AMMECR1L: variants seen among roughly 807,000 people sequenced by gnomAD.
AMMECR1L encodes AMMECR1 like.
AMMECR1L carries 4 observed loss-of-function variants against 36.8 expected under a neutral mutation model. That is an observed-to-expected ratio of 0.11 (90% confidence interval 0.05 to 0.25). AMMECR1L has a LOEUF of 0.25. Among genes scored for constraint, AMMECR1L ranks in the 10% least tolerant of loss-of-function variants. AMMECR1L has a pLI of 1.00. For synonymous variants in AMMECR1L, 147 were observed against 148.0 expected (o/e 0.99, Z 0.05); for missense variants, 232 against 392.1 (o/e 0.59, Z 3.45).
At position 127,862,141 on chromosome 2, in the gene AMMECR1L, T is replaced by C. The variant is rs1222453998; in HGVS notation, c.*2953A>G. 2 of 153,626 alleles carry C rather than the reference T, an allele frequency of 1.3e-5. No homozygotes were observed. Among genetic ancestry groups the C allele is most frequent in the African/African-American group, 4.8e-5 (2 of 41,414 alleles). 9.5% of individuals were successfully genotyped at this position (153,626 alleles called of 1,614,324 possible). A position where few individuals can be genotyped will look rare whatever the true frequency, so the allele number is the denominator to read the frequency against. On this transcript the variant is annotated 3_prime_UTR_variant, in exon 8 of 8. Coordinates refer to ENST00000272647, the MANE Select transcript of AMMECR1L (RefSeq NM_001199140.2). ...AATGTAAAACAAGGACAATTCATAATTACAGAGAGAATGTCCTAGCTGTGG... is the reference window on the plus strand; with the variant it reads ...AATGTAAAACAAGGACAATTCATAACTACAGAGAGAATGTCCTAGCTGTGG...
rs756538155 is a variant in AMMECR1L at position 127,864,999 on chromosome 2, A to C, written c.*95T>G. The stretch of plus-strand genomic sequence containing the variant: ...TAGCATCATAAAATGGTGCAGTAAT[A>C]GAAGTAACTGGACCAGGAAGAGGAG... On this transcript the variant is annotated 3_prime_UTR_variant, in exon 8 of 8. Coordinates refer to ENST00000272647, the MANE Select transcript of AMMECR1L (RefSeq NM_001199140.2). 2.5e-5 allele frequency: 20 copies of C among 813,926 alleles called. No individual in the cohort carries two copies. The highest frequency in any genetic ancestry group is 3.8e-5 in the Non-Finnish European group (19 of 498,378). The allele number at this position is 813,926 out of a possible 1,614,324, so 50.4% of individuals were successfully genotyped here. A position where few individuals can be genotyped will look rare whatever the true frequency, so the allele number is the denominator to read the frequency against.
Position 127,865,131 on chromosome 2 carries a change from G to C in AMMECR1L, c.896C>G (p.Thr299Ser). 3.7e-6 allele frequency: 6 copies of C among 1,613,986 alleles called. No individual in the cohort carries two copies. The highest frequency in any genetic ancestry group is 5.1e-6 in the Non-Finnish European group (6 of 1,179,928). ...ATTGTAGAGGGGCGGGGCATGAAGA[G>C]TGCCGTTCTGGAAACAGTGCTGTCG... is the stretch of plus-strand genomic sequence containing the variant. Reference protein sequence around the residue: ...ASRQHCFQNGTLHAPPLYNHY... With the variant: ...ASRQHCFQNGSLHAPPLYNHY... Residue 299 changes from threonine (T) to serine (S), a missense_variant, in exon 8 of 8, where the codon ACT becomes AGT. Physicochemically the swap from Thr to Ser is moderately conservative, Grantham distance 58. This residue lies in a region of AMMECR1L where 40 missense variants were observed against 34.5 expected (regional missense o/e 1.16). Coordinates refer to ENST00000272647, the MANE Select transcript of AMMECR1L (RefSeq NM_001199140.2). The surrounding 1 kb of genome is among the most constrained non-coding windows in gnomAD (Gnocchi z 5.4).
intron 2 of AMMECR1L, among the ~76,000 whole-genome samples, chr2:127,878,126 T>C (rs1369038202): frequency 6.6e-6 from 1 of 152,172 alleles, no homozygotes; most frequent in Non-Finnish European, 1.5e-5. Flanking sequence ...TAACAGCTTA[T>C]AGAATCTTGC....
intron 2 of AMMECR1L, among the ~76,000 whole-genome samples, chr2:127,883,331 G>A (rs947056703): frequency 4.6e-5 from 7 of 152,036 alleles, no homozygotes; most frequent in Admixed American, 2.6e-4. Flanking sequence ...TCTTGACCTC[G>A]TTATCCACCT....
intron 2 of AMMECR1L, among the ~76,000 whole-genome samples, chr2:127,876,023 C>T (rs1691222663): frequency 6.6e-6 from 1 of 151,964 alleles, no homozygotes; most frequent in Non-Finnish European, 1.5e-5. Flanking sequence ...AAATTCCTGG[C>T]CACAAGGGAG....
intron 2 of AMMECR1L, among the ~76,000 whole-genome samples, chr2:127,875,852 G>A (rs1691215028): frequency 6.6e-6 from 1 of 152,010 alleles, no homozygotes; most frequent in South Asian, 2.1e-4. Flanking sequence ...GGAGTGCAGT[G>A]GCACAATCAT....
intron 2 of AMMECR1L, among the ~76,000 whole-genome samples, chr2:127,883,702 T>C (rs1480940985): frequency 6.6e-6 from 1 of 152,326 alleles, no homozygotes; most frequent in South Asian, 2.1e-4. Context: ...AAGTTTACAG[T>C]GAAAAATTTT....
chr2:127,867,226 C>T, intron 6 of AMMECR1L: 1 of 985,472 alleles, frequency 1.0e-6, no homozygotes, highest in South Asian at 4.7e-5. Context: ...ATGGCTGTCC[C>T]CAGGCTCCCT....
intron 2 of AMMECR1L, among the ~76,000 whole-genome samples, chr2:127,883,893 T>C (rs147799444): frequency 6.6e-6 from 1 of 152,304 alleles, no homozygotes; most frequent in African/African-American, 2.4e-5. Context: ...GACAACCTCT[T>C]TGGTTGTATT....
chr2:127,885,101 A>C, intron 1 of AMMECR1L: 2 of 967,176 alleles, frequency 2.1e-6, no homozygotes, highest in Non-Finnish European at 2.5e-6. Flanking sequence ...AAAGAGAGGC[A>C]TGAAACCCAG....
intron 1 of AMMECR1L, chr2:127,885,460 C>G (rs1434471971): frequency 3.8e-5 from 37 of 980,652 alleles, no homozygotes; most frequent in Non-Finnish European, 4.0e-5. Context: ...CAGGCGGCGC[C>G]GGAGACCACC....
chr2:127,866,776 T>C (rs1487482951), intron 7 of AMMECR1L, 124 bp downstream of exon 7: 3 of 947,420 alleles, frequency 3.2e-6, no homozygotes, highest in East Asian at 5.2e-5. Flanking sequence ...AAATGTGAAC[T>C]TCACCCACAC....
chr2:127,867,906 C>T (rs1170397037), intron 6 of AMMECR1L, among the ~76,000 whole-genome samples: 1 of 152,188 alleles, frequency 6.6e-6, no homozygotes, highest in Non-Finnish European at 1.5e-5. Context: ...GGTTCTCACT[C>T]CTGTCACCCA....
intron 3 of AMMECR1L, chr2:127,872,900 G>T: frequency 2.5e-6 from 2 of 804,642 alleles, no homozygotes; most frequent in Non-Finnish European, 3.0e-6. Context: ...AAAAAACCGA[G>T]CACACTTCCC....
chr2:127,868,692 T>A (rs1690815989), intron 6 of AMMECR1L, among the ~76,000 whole-genome samples: 1 of 152,078 alleles, frequency 6.6e-6, no homozygotes. Context: ...CCACCCTACC[T>A]TTAACGTCCC....
At chr2:127,881,625 C>T (rs191487102) in intron 2 of AMMECR1L, among the ~76,000 whole-genome samples, 1 of 152,250 alleles carries the variant, frequency 6.6e-6, no homozygotes, top group East Asian at 1.9e-4. Context: ...GTGAAAGACA[C>T]GAAAAGCACC....
intron 2 of AMMECR1L, among the ~76,000 whole-genome samples, chr2:127,881,840 T>C (rs1477981608): frequency 6.6e-6 from 1 of 152,224 alleles, no homozygotes; most frequent in Non-Finnish European, 1.5e-5. Flanking sequence ...CATGGGATTA[T>C]TACTCTCATG....
intron 2 of AMMECR1L, among the ~76,000 whole-genome samples, chr2:127,877,823 G>A (rs1387322917): frequency 6.6e-6 from 1 of 152,172 alleles, no homozygotes; most frequent in African/African-American, 2.4e-5. Flanking sequence ...TTGGGAGGTC[G>A]ATCGAGGTGG....
chr2:127,876,258 G>A (rs1035529209), intron 2 of AMMECR1L, among the ~76,000 whole-genome samples: 15 of 151,566 alleles, frequency 9.9e-5, no homozygotes, highest in African/African-American at 1.9e-4. Context: ...GCTAAGGAGC[G>A]AGGATTGCCT....
Sources: gnomAD v4.1 joint callset for allele counts (sites outside exome capture counted in the v4.1 genomes callset) on GRCh38, gnomAD v4.1.1 for gene constraint, gnomAD v4.1.1 regional missense constraint, Gnocchi (gnomAD v3.1) non-coding constraint, MANE v1.5 for transcripts, NCBI Gene and HGNC (gene_info 2026-07-23, HGNC 2026-07-21) for gene names.